The following NAV3 variants were observed in gnomAD, a reference collection of about 807,000 sequenced individuals.
NAV3 encodes the protein pore membrane and/or filament interacting like protein 1.
Under a neutral mutation model 244.7 loss-of-function variants are expected in NAV3, and 87 were observed. The observed-to-expected ratio is 0.36, with a 90% CI of 0.30 to 0.42. The LOEUF (loss-of-function observed/expected upper bound fraction) is 0.42, where lower values mean the gene tolerates loss of function less well. Ranked by LOEUF, NAV3 falls within the 20% of genes least tolerant of loss-of-function variation. NAV3 has a pLI of 1.00. For missense variants in NAV3, 2,663 were observed against 2,893.3 expected (o/e 0.92, Z 1.83); for synonymous variants, 1,126 against 1,042.2 (o/e 1.08, Z -1.55).
chr12:78,122,572 T>G (rs1955722172), intron 16 of NAV3, 144 bp downstream of exon 16: 2 of 998,726 alleles, frequency 2.0e-6, no homozygotes, highest in Non-Finnish European at 2.8e-6. Flanking sequence ...GCCTTTCATT[T>G]GCTCTCATTA....
chr12:77,764,014 A>G (rs1416887824), intron 2 of NAV3, among the ~76,000 whole-genome samples: 1 of 152,116 alleles, frequency 6.6e-6, no homozygotes, highest in East Asian at 1.9e-4. Context: ...TGTGAAGGGG[A>G]CACTCCTGCT....
Position 78,151,437 on chromosome 12 carries a change from C to T in NAV3, c.4785+2518C>T, listed in dbSNP as rs57938308. ...AATTCTGATACATCTATATCATGGA[C>T]TACTACTCAGCAATATAAAGAAATG... On this transcript the variant is annotated intron_variant, in intron 22 of 39. Transcript: ENST00000397909. Among the ~76,000 whole-genome samples, 481 of 152,110 alleles carry T rather than the reference C, an allele frequency of 3.2e-3. 3 individuals carry two copies. The highest frequency in any genetic ancestry group is 0.011 in the African/African-American group (442 of 41,532).
chr12:77,970,756 A>T (rs954953350), intron 5 of NAV3, among the ~76,000 whole-genome samples: 1 of 152,104 alleles, frequency 6.6e-6, no homozygotes, highest in Non-Finnish European at 1.5e-5. Context: ...AGTGGATGAC[A>T]TCGTGTTTTA....
chr12:78,071,386 T>G (rs1215956369), intron 12 of NAV3, among the ~76,000 whole-genome samples: 1 of 152,058 alleles, frequency 6.6e-6, no homozygotes, highest in Non-Finnish European at 1.5e-5. Flanking sequence ...CTTCACCCAC[T>G]TTTTGATGGG....
chr12:78,180,251 C>T (rs1289907718), intron 29 of NAV3, among the ~76,000 whole-genome samples: 3 of 151,964 alleles, frequency 2.0e-5, no homozygotes, highest in African/African-American at 7.2e-5. Context: ...TATTGTATAC[C>T]AGTAATCACT....
intron 1 of NAV3, among the ~76,000 whole-genome samples, chr12:77,924,415 G>T (rs1887997618): frequency 6.6e-6 from 1 of 152,076 alleles, no homozygotes. Context: ...GCTTTCTAGA[G>T]AATATTTTAT....
intron 2 of NAV3, among the ~76,000 whole-genome samples, chr12:77,701,147 C>A (rs1875541772): frequency 6.6e-6 from 1 of 151,656 alleles, no homozygotes; most frequent in Non-Finnish European, 1.5e-5. Context: ...CTTTCTTTGT[C>A]TTGATGGAAT....
At chr12:78,118,605 GT>G (rs1224689505) in intron 14 of NAV3, among the ~76,000 whole-genome samples, 2 of 152,102 alleles carry the variant, frequency 1.3e-5, no homozygotes, top group Non-Finnish European at 2.9e-5. Flanking sequence ...CAACAGTTAA[GT>G]TTTTTTGTTT....
chr12:77,658,399 A>G (rs985742958), intron 2 of NAV3, among the ~76,000 whole-genome samples: 6 of 149,902 alleles, frequency 4.0e-5, no homozygotes, highest in African/African-American at 9.8e-5. Context: ...TCCACCTTAC[A>G]AGGGACGTGA....
chr12:78,076,579 T>C (rs1050723449), intron 12 of NAV3, among the ~76,000 whole-genome samples: 6 of 152,192 alleles, frequency 3.9e-5, no homozygotes, highest in Non-Finnish European at 8.8e-5. Context: ...TCATGTCTTT[T>C]CTGACTTTAT....
At chr12:77,683,822 C>T (rs982330521) in intron 2 of NAV3, among the ~76,000 whole-genome samples, 1 of 151,924 alleles carries the variant, frequency 6.6e-6, no homozygotes, top group East Asian at 1.9e-4. Flanking sequence ...GCATATGTTA[C>T]AGTTGTATAT....
intron 23 of NAV3, among the ~76,000 whole-genome samples, chr12:78,168,554 A>C (rs414026): frequency 0.049 from 7,461 of 151,870 alleles, 199 homozygotes; most frequent in Non-Finnish European, 0.072. Flanking sequence ...AAAAACAAAC[A>C]AACAAACAAA....
chr12:77,602,276 A>G (rs1870469134), intron 2 of NAV3, among the ~76,000 whole-genome samples: 2 of 152,024 alleles, frequency 1.3e-5, no homozygotes. Flanking sequence ...GAGAGGGCAA[A>G]TGAATATCAA....
At chr12:77,589,133 A>G (rs935458518) in intron 2 of NAV3, among the ~76,000 whole-genome samples, 2 of 152,294 alleles carry the variant, frequency 1.3e-5, no homozygotes, top group East Asian at 1.9e-4. Context: ...ACATTTTATA[A>G]TTTTTCTCCC....
At chr12:77,750,446 T>A (rs931211293) in intron 2 of NAV3, among the ~76,000 whole-genome samples, 6 of 152,028 alleles carry the variant, frequency 3.9e-5, no homozygotes, top group African/African-American at 1.4e-4. Context: ...GTAGGAGGAT[T>A]GTTTGAGGTC....
At chr12:77,890,161 T>C (rs1435417202) in intron 1 of NAV3, among the ~76,000 whole-genome samples, 4 of 152,210 alleles carry the variant, frequency 2.6e-5, no homozygotes, top group African/African-American at 4.8e-5. Context: ...CAGTTCTCAG[T>C]TGATCACTGC....
intron 2 of NAV3, among the ~76,000 whole-genome samples, chr12:77,648,658 C>A (rs1014390661): frequency 2.0e-5 from 3 of 152,112 alleles, no homozygotes; most frequent in Non-Finnish European, 2.9e-5. Flanking sequence ...CCTCTAATAT[C>A]TGCCATTGTA....
At chr12:77,759,806 A>C (rs1175551204) in intron 2 of NAV3, among the ~76,000 whole-genome samples, 1 of 152,172 alleles carries the variant, frequency 6.6e-6, no homozygotes, top group Non-Finnish European at 1.5e-5. Flanking sequence ...TTTGATTCCA[A>C]AAGAACTAAT....
intron 21 of NAV3, among the ~76,000 whole-genome samples, chr12:78,146,959 G>A (rs1041274042): frequency 6.6e-6 from 1 of 151,964 alleles, no homozygotes. Flanking sequence ...AATTTCCCTT[G>A]GTAAAACATT....
Sources: gnomAD v4.1 joint callset for allele counts (sites outside exome capture counted in the v4.1 genomes callset) on GRCh38, gnomAD v4.1.1 for gene constraint, MANE v1.5 for transcripts, NCBI Gene and HGNC (gene_info 2026-07-23, HGNC 2026-07-21) for gene names.